Variants in FHOD1 observed in about 807,000 individuals in gnomAD.
FHOD1 encodes FH1/FH2 domain-containing protein 1.
Under a neutral mutation model 111.6 loss-of-function variants are expected in FHOD1, and 89 were observed. The ratio of observed to expected loss-of-function variants is 0.80; its 90% confidence interval spans 0.67 to 0.95. FHOD1 has a LOEUF of 0.95. FHOD1 is among the 40% of genes least tolerant of loss of function. The pLI, the probability that FHOD1 is intolerant of heterozygous loss-of-function variation, is 0.00. For missense variants in FHOD1, 1,446 were observed against 1,554.2 expected (o/e 0.93, Z 1.17); for synonymous variants, 618 against 639.0 (o/e 0.97, Z 0.50).
chr16:67,233,604 C>T (rs2034357977), intron 13 of FHOD1, 53 bp downstream of exon 13: 1 of 1,526,996 alleles, frequency 6.5e-7, no homozygotes, highest in Non-Finnish European at 8.8e-7. Flanking sequence ...GATCCTTAAG[C>T]TCTGATTCCC....
In FHOD1 at chr16:67,230,060, C is replaced by T. The variant is rs760072377; in HGVS notation, c.3214+6G>A. 4 of 1,613,706 alleles carry T rather than the reference C, an allele frequency of 2.5e-6. No individual in the cohort carries two copies. The South Asian group carries it at 3.3e-5, about 13-fold the overall frequency. On this transcript the variant is annotated splice_donor_region_variant and intron_variant, in intron 20 of 21. Transcript: ENST00000258201. ...GCCCATTCCCCACAGCTGCTATGGG[C>T]CTCACCTCTGCTGCGGCGATTGTGT...
chr16:67,237,343 C>T lies in FHOD1; in HGVS notation c.889G>A (p.Val297Met). 6.2e-7 allele frequency: 1 copy of T among 1,614,170 alleles called. No homozygotes were observed. Among genetic ancestry groups the T allele is most frequent in the South Asian group, 1.1e-5 (1 of 91,080 alleles). Residue 297 changes from valine (V) to methionine (M), a missense_variant, in exon 9 of 22, where the codon GTG (valine) becomes ATG (methionine). By Grantham distance (21) the Val-to-Met change is conservative (BLOSUM62 1). This residue lies in a region of FHOD1 where 234 missense variants were observed against 327.4 expected (regional missense o/e 0.71). Coordinates refer to ENST00000258201, the MANE Select transcript of FHOD1 (RefSeq NM_013241.3). The surrounding 1 kb of genome is among the most constrained non-coding windows in gnomAD (Gnocchi z 5.6). Reference sequence around the variant, plus strand: ...CCCTGCTGCTCCAGTGCATCCGTCACATCGTAGAAGGAGTCCTGGTCCGGG... The same window carrying T: ...CCCTGCTGCTCCAGTGCATCCGTCATATCGTAGAAGGAGTCCTGGTCCGGG... ...ALPDQDSFYD[V>M]TDALEQQGME...
chr16:67,238,118 C>T lies in FHOD1; in HGVS notation c.558G>A (p.Gln186=). The change falls in exon 6 of 22, where the codon CAG becomes CAA. Residue 186 remains glutamine, a synonymous_variant. Coordinates refer to ENST00000258201, the MANE Select transcript of FHOD1 (RefSeq NM_013241.3). The surrounding 1 kb of genome is among the most constrained non-coding windows in gnomAD (Gnocchi z 4.2). ...YQSYILRALG[Q]LMLFVDGMLG... The stretch of plus-strand genomic sequence containing the variant: ...GCATTCCATCCACAAAGAGCATCAG[C>T]TGGCCGAGCGCTGGGGAAACAGGGA... 1 of 1,614,216 alleles carries T rather than the reference C, an allele frequency of 6.2e-7. No homozygotes were observed. Among genetic ancestry groups the T allele is most frequent in the East Asian group, 2.2e-5 (1 of 44,882 alleles).
Position 67,237,171 on chromosome 16 carries a change from G to A in FHOD1, c.994-57C>T. The A allele has an allele frequency of 4.4e-6, 7 of 1,601,146 alleles. No individual in the cohort carries two copies. The highest frequency in any genetic ancestry group is 6.0e-6 in the Non-Finnish European group (7 of 1,171,562). ...GGTTAACGTGTATGCAGGTGGGGTGGGGCGCTGGGGACTGCGCTTCTCTCT... is the reference window on the plus strand; with the variant it reads ...GGTTAACGTGTATGCAGGTGGGGTGAGGCGCTGGGGACTGCGCTTCTCTCT... On this transcript the variant is annotated intron_variant, in intron 9 of 21. Coordinates refer to ENST00000258201, the MANE Select transcript of FHOD1 (RefSeq NM_013241.3). The surrounding 1 kb of genome is among the most constrained non-coding windows in gnomAD (Gnocchi z 5.6).
At chr16:67,230,265 G>C (rs1597313848) in intron 19 of FHOD1, 37 bp from the exon 20 acceptor site, 2 of 1,613,504 alleles carry the variant, frequency 1.2e-6, no homozygotes, top group East Asian at 4.5e-5. Context: ...GAGGAGCGAA[G>C]GAAACCAAGG....
At chr16:67,246,823 A>T in intron 1 of FHOD1, 1 of 202,510 alleles carries the variant, frequency 4.9e-6, no homozygotes, top group Non-Finnish European at 9.8e-6. Flanking sequence ...TCCCGCCCCC[A>T]CCTCACCTGA....
intron 1 of FHOD1, among the ~76,000 whole-genome samples, chr16:67,242,577 G>T (rs2034696913): frequency 5.3e-5 from 8 of 152,224 alleles, no homozygotes; most frequent in Admixed American, 5.2e-4. Context: ...GCTGGGCCAG[G>T]CCTGAATAAG....
chr16:67,240,245 G>A (rs1260096845), intron 1 of FHOD1, among the ~76,000 whole-genome samples: 2 of 152,176 alleles, frequency 1.3e-5, no homozygotes, highest in Non-Finnish European at 2.9e-5. Flanking sequence ...ACTAACTTTA[G>A]GCCAGGCGTG....
intron 11 of FHOD1, among the ~76,000 whole-genome samples, chr16:67,235,634 CCT>C (rs1200039528): frequency 2.0e-5 from 3 of 152,136 alleles, no homozygotes; most frequent in Non-Finnish European, 4.4e-5. Flanking sequence ...GCCCCTCCAG[CCT>C]CTGTCAGCTC....
At position 67,230,788 on chromosome 16, in the gene FHOD1, C is replaced by T. The variant is rs747381605; in HGVS notation, c.2671G>A (p.Asp891Asn). The T allele has an allele frequency of 6.3e-7, 1 of 1,590,068 alleles. No homozygotes were observed. The highest frequency in any genetic ancestry group is 1.7e-5 in the Admixed American group (1 of 58,540). ...AGGTTCTCAGTCAGCTGTTCAAAGT[C>T]CACCTGAGAAAGCAAGGGGGTGCAC... The part of the protein sequence containing the change: ...IPALTRCAKV[D>N]FEQLTENLGQ... Residue 891 changes from aspartate (D) to asparagine (N), a missense_variant, in exon 18 of 22, where the codon GAC becomes AAC. By Grantham distance (23) the Asp-to-Asn change is conservative (BLOSUM62 1). Around this residue, in one of 3 missense-constraint regions of FHOD1, gnomAD observed 1,085 missense variants for 1,108.8 expected, o/e 0.98. Transcript: ENST00000258201.
rs750435091 is a variant in FHOD1 at position 67,230,518 on chromosome 16, A to T, written c.2859-12T>A. 1 of 1,613,978 alleles carries T rather than the reference A, an allele frequency of 6.2e-7. No individual in the cohort carries two copies. Among genetic ancestry groups the T allele is most frequent in the Admixed American group, 1.7e-5 (1 of 60,026 alleles). ...GGAAGGCATGGAACCTAGGCAGGTC[A>T]GAGTAGGGAGGGACAGTAAGTCCTG... On this transcript the variant is annotated splice_polypyrimidine_tract_variant and intron_variant, in intron 18 of 21. Transcript: ENST00000258201.
In FHOD1 at chr16:67,236,722, G is replaced by T. The variant is rs751818400; in HGVS notation, c.1154C>A (p.Pro385His). 3.2e-6 allele frequency: 5 copies of T among 1,552,184 alleles called. No individual in the cohort carries two copies. Among genetic ancestry groups the T allele is most frequent in the African/African-American group, 1.4e-5 (1 of 73,470 alleles). Residue 385 changes from proline to histidine, a missense_variant, in exon 11 of 22, where the codon CCC (proline) becomes CAC (histidine). Around this residue, in one of 3 missense-constraint regions of FHOD1, gnomAD observed 1,085 missense variants for 1,108.8 expected, o/e 0.98. Coordinates refer to ENST00000258201, the MANE Select transcript of FHOD1 (RefSeq NM_013241.3). ...ARAPEPGPTG[P>H]ASPVGPTSST... ...AGAGGTGGGGCCTACCGGTGAGGCG[G>T]GGCCTGTGGGGCTGAAAGCAGGGGC...
Position 67,234,462 on chromosome 16 carries a change from G to A in FHOD1, c.1330C>T (p.Leu444=). 1 of 1,591,794 alleles carries A rather than the reference G, an allele frequency of 6.3e-7. No individual in the cohort carries two copies. The highest frequency in any genetic ancestry group is 8.5e-7 in the Non-Finnish European group (1 of 1,171,396). ...GTTTCTGCTGCCGCCACATTCTCCA[G>A]GAACCGGGCTCTGAGGGAAGGTGCT... ...SERSIYKARF[L]ENVAAAETEK... is the part of the protein sequence containing the mutation. Residue 444 remains leucine (L), a synonymous_variant, in exon 12 of 22, where the codon CTG becomes TTG. Coordinates refer to ENST00000258201, the MANE Select transcript of FHOD1 (RefSeq NM_013241.3).
chr16:67,243,343 C>G (rs2034719123), intron 1 of FHOD1, among the ~76,000 whole-genome samples: 1 of 150,812 alleles, frequency 6.6e-6, no homozygotes, highest in African/African-American at 2.4e-5. Context: ...CTTATGCTTC[C>G]TCTGTGCCAG....
chr16:67,230,885 G>A, intron 17 of FHOD1, 94 bp from the exon 18 acceptor site: 1 of 1,342,456 alleles, frequency 7.4e-7, no homozygotes, highest in East Asian at 2.3e-5. Context: ...GCCAGCTTGG[G>A]CCCTAAGGAC....
chr16:67,238,769 A>C lies in FHOD1; in HGVS notation c.373+134T>G. 1.2e-6 allele frequency: 1 copy of C among 828,134 alleles called. No homozygotes were observed. The highest frequency in any genetic ancestry group is 2.0e-6 in the Non-Finnish European group (1 of 492,176). 51.3% of individuals were successfully genotyped at this position (828,134 alleles called of 1,614,324 possible). On this transcript the variant is annotated intron_variant, in intron 3 of 21. Coordinates refer to ENST00000258201, the MANE Select transcript of FHOD1 (RefSeq NM_013241.3). This position sits in a 1 kb window ranked among gnomAD's most constrained non-coding sequence, Gnocchi z 4.2. ...ACTCCCACCATGGCCCTGGAAGAAG[A>C]GGTCAGGATAGGGAGAGGAAGGAGC...
intron 18 of FHOD1, 23 bp downstream of exon 18, chr16:67,230,578 C>G (rs750570717): frequency 1.5e-5 from 24 of 1,613,678 alleles, no homozygotes; most frequent in Non-Finnish European, 2.0e-5. Flanking sequence ...GCCGTCCTGC[C>G]TCTCTTGGGT....
chr16:67,238,178 T>G lies in FHOD1; in HGVS notation c.547+24A>C. On this transcript the variant is annotated intron_variant, in intron 5 of 21. Transcript: ENST00000258201. This position sits in a 1 kb window ranked among gnomAD's most constrained non-coding sequence, Gnocchi z 4.2. Reference sequence around the variant, plus strand: ...TCAGCGAGGGTCGCTGGAGCAGAGGTCATGGGAGAGGGGCGGGGCTGACCT... The same window carrying G: ...TCAGCGAGGGTCGCTGGAGCAGAGGGCATGGGAGAGGGGCGGGGCTGACCT... 6.2e-7 allele frequency: 1 copy of G among 1,613,822 alleles called. No individual in the cohort carries two copies. The highest frequency in any genetic ancestry group is 8.5e-7 in the Non-Finnish European group (1 of 1,179,866).
intron 11 of FHOD1, among the ~76,000 whole-genome samples, chr16:67,235,365 A>G (rs1412233757): frequency 2.0e-5 from 3 of 152,026 alleles, no homozygotes; most frequent in Non-Finnish European, 2.9e-5. Context: ...CCCTGTCTCT[A>G]CTAAAAATAC....
Sources: gnomAD v4.1 joint callset for allele counts (sites outside exome capture counted in the v4.1 genomes callset) on GRCh38, gnomAD v4.1.1 for gene constraint, gnomAD v4.1.1 regional missense constraint, Gnocchi (gnomAD v3.1) non-coding constraint, MANE v1.5 for transcripts, NCBI Gene and HGNC (gene_info 2026-07-23, HGNC 2026-07-21) for gene names.